The following CIB4 variants were observed in gnomAD, a reference collection of about 807,000 sequenced individuals.
CIB4 encodes calcium and integrin binding family member 4.
In CIB4, 25 loss-of-function variants were observed where a neutral mutation model predicts 25.8. That is an observed-to-expected ratio of 0.97 (90% CI 0.71 to 1.35). CIB4 has a LOEUF of 1.35. CIB4 is among the 40% of genes most tolerant of loss of function. The pLI, the probability that CIB4 is intolerant of heterozygous loss-of-function variation, is 0.00. For missense variants in CIB4, 235 were observed against 228.2 expected, an observed-to-expected ratio of 1.03 and a Z score of -0.19; for synonymous variants, 75 against 81.4, an observed-to-expected ratio of 0.92 and a Z score of 0.42.
intron 3 of CIB4, among the ~76,000 whole-genome samples, chr2:26,619,251 C>CG (rs926135831): frequency 6.6e-6 from 1 of 152,080 alleles, no homozygotes; most frequent in Non-Finnish European, 1.5e-5. Context: ...GGGCCCTCCC[C>CG]GGGGGGTGAG....
At chr2:26,598,019 G>T (rs991222534) in intron 3 of CIB4, among the ~76,000 whole-genome samples, 1 of 151,878 alleles carries the variant, frequency 6.6e-6, no homozygotes, top group Non-Finnish European at 1.5e-5. Context: ...ACATTTTTTG[G>T]CCGGGCACGG....
intron 4 of CIB4, among the ~76,000 whole-genome samples, chr2:26,589,057 TTCC>T (rs1380840560): frequency 0.14 from 4,895 of 35,370 alleles, 402 homozygotes; most frequent in Admixed American, 0.18. Context: ...CTTCTTCTTC[TTCC>T]TCTTCCTCTT....
At chr2:26,585,550 A>G (rs1275993) in intron 4 of CIB4, among the ~76,000 whole-genome samples, 121,492 of 152,072 alleles carry the variant, frequency 0.8, 50,686 homozygotes, top group East Asian at 1. Flanking sequence ...AATTATAATA[A>G]TCACCACCAC....
chr2:26,628,383 C>A (rs116116316), intron 3 of CIB4, among the ~76,000 whole-genome samples: 5,155 of 152,212 alleles, frequency 0.034, 119 homozygotes, highest in Middle Eastern at 0.051. Flanking sequence ...CAGCCTCCCC[C>A]CACTGCTCTA....
chr2:26,624,515 G>A (rs1189267574), intron 3 of CIB4, among the ~76,000 whole-genome samples: 8 of 152,020 alleles, frequency 5.3e-5, no homozygotes, highest in African/African-American at 1.7e-4. Flanking sequence ...AGAACAATAC[G>A]GACAAAAGGG....
intron 2 of CIB4, among the ~76,000 whole-genome samples, chr2:26,637,266 C>G (rs57287016): frequency 0.043 from 6,529 of 152,148 alleles, 465 homozygotes; most frequent in African/African-American, 0.15. Context: ...AGCCTTTCTG[C>G]GTTCTCGATT....
At chr2:26,595,010 C>CT (rs144225462) in intron 4 of CIB4, among the ~76,000 whole-genome samples, 166 bp downstream of exon 4, 5 of 149,692 alleles carry the variant, frequency 3.3e-5, no homozygotes, top group Admixed American at 1.3e-4. Flanking sequence ...CATTCTCAAT[C>CT]TTTTTTTTTT....
intron 3 of CIB4, among the ~76,000 whole-genome samples, chr2:26,611,964 G>A (rs1669002465): frequency 6.6e-6 from 1 of 152,140 alleles, no homozygotes; most frequent in Non-Finnish European, 1.5e-5. Flanking sequence ...ATTTATGTTA[G>A]GGTCGTTGGA....
rs571337880 is a variant in CIB4 at position 26,602,929 on chromosome 2, C to T, written c.187-7612G>A. On this transcript the variant is annotated intron_variant, in intron 3 of 6. Transcript: ENST00000288861. ...AAATAAGCTGGTGTGGTGTTCTGTG[C>T]CTGTAGTCCTAGCTACTCGGGAGGG... Among the ~76,000 whole-genome samples the T allele has an allele frequency of 5.9e-5, 9 of 152,164 alleles. No homozygotes were observed. The South Asian group carries it at 1.9e-3, about 32-fold the overall frequency.
At chr2:26,625,588 G>A (rs550407838) in intron 3 of CIB4, among the ~76,000 whole-genome samples, 2 of 152,162 alleles carry the variant, frequency 1.3e-5, no homozygotes, top group African/African-American at 4.8e-5. Flanking sequence ...CCAACCTCAG[G>A]TGATCCACCC....
At chr2:26,583,637 G>T in intron 5 of CIB4, 152 bp downstream of exon 5, 1 of 629,548 alleles carries the variant, frequency 1.6e-6, no homozygotes, top group South Asian at 1.9e-5. Context: ...GCAGCCCCCA[G>T]GGAATGTGTG....
rs192850261 is a variant in CIB4, at chr2:26,622,339, C to T, written c.186+7071G>A. Among the ~76,000 whole-genome samples the T allele has an allele frequency of 4.2e-3, 640 of 151,954 alleles. 5 individuals are homozygous for T. The highest frequency in any genetic ancestry group is 0.014 in the African/African-American group (588 of 41,434). On this transcript the variant is annotated intron_variant, in intron 3 of 6. Coordinates refer to ENST00000288861, the MANE Select transcript of CIB4 (RefSeq NM_001029881.3). ...TCGCATCACTGTACTCCAGCCTGGGCGACAAAGCAAGACTCCATCTCAAAA... is the reference window on the plus strand; with the variant it reads ...TCGCATCACTGTACTCCAGCCTGGGTGACAAAGCAAGACTCCATCTCAAAA...
intron 3 of CIB4, among the ~76,000 whole-genome samples, chr2:26,617,147 T>TGTGTGTGTGTGCGTGC (rs10665609): frequency 2.0e-5 from 3 of 150,412 alleles, no homozygotes; most frequent in African/African-American, 7.4e-5. Flanking sequence ...TGTGTGTGTG[T>TGTGTGTGTGTGCGTGC]GCACGTGAGC....
chr2:26,618,782 G>A (rs1669145253), intron 3 of CIB4, among the ~76,000 whole-genome samples: 3 of 152,208 alleles, frequency 2.0e-5, no homozygotes, highest in Non-Finnish European at 2.9e-5. Flanking sequence ...CATGGAGGAA[G>A]AAGTTGTGCC....
intron 3 of CIB4, among the ~76,000 whole-genome samples, chr2:26,616,685 C>T (rs1669098606): frequency 6.6e-6 from 1 of 152,186 alleles, no homozygotes; most frequent in Non-Finnish European, 1.5e-5. Flanking sequence ...AAAGCTATTC[C>T]ATCTCAGCCA....
intron 6 of CIB4, among the ~76,000 whole-genome samples, chr2:26,581,687 C>T (rs1668347015): frequency 6.6e-6 from 1 of 152,212 alleles, no homozygotes; most frequent in South Asian, 2.1e-4. Context: ...GTGCCAGCTT[C>T]AATTATGTGC....
chr2:26,633,792 G>A (rs1226023208), intron 2 of CIB4, among the ~76,000 whole-genome samples: 3 of 152,220 alleles, frequency 2.0e-5, no homozygotes, highest in South Asian at 4.1e-4. Flanking sequence ...AGAGAGGCAG[G>A]AGGGGCTGCC....
chr2:26,596,986 C>T (rs752660051), intron 3 of CIB4, among the ~76,000 whole-genome samples: 81 of 152,226 alleles, frequency 5.3e-4, no homozygotes, highest in Non-Finnish European at 1.0e-3. Flanking sequence ...AGCAAATATC[C>T]ACCAAAAAAT....
chr2:26,614,010 C>T (rs937450265), intron 3 of CIB4, among the ~76,000 whole-genome samples: 18 of 152,210 alleles, frequency 1.2e-4, no homozygotes, highest in African/African-American at 4.1e-4. Context: ...TGCAGGGCGT[C>T]TCCTCCCTGT....
Sources: allele counts gnomAD v4.1 joint callset (sites outside exome capture counted in the v4.1 genomes callset), GRCh38; gene constraint gnomAD v4.1.1; transcripts MANE v1.5; gene names NCBI Gene and HGNC (gene_info 2026-07-23, HGNC 2026-07-21).